Variants in CYTH1 observed in about 807,000 individuals in gnomAD.
CYTH1 encodes cytohesin 1, also known as cytohesin-1.
A neutral mutation model predicts 61.8 loss-of-function variants in CYTH1; 18 were observed. That is an observed-to-expected ratio of 0.29 (90% CI 0.20 to 0.43). The LOEUF is 0.43. Ranked by LOEUF, CYTH1 falls within the 20% of genes least tolerant of loss-of-function variation. The probability of loss-of-function intolerance (pLI) is 1.00; values close to 1 mark genes in which losing one functional copy is unlikely to be tolerated. For missense variants in CYTH1, 336 were observed against 510.5 expected (o/e 0.66, Z 3.29); for synonymous variants, 174 against 184.3 (o/e 0.94, Z 0.45).
At chr17:78,726,228 T>G (rs1275025235) in intron 1 of CYTH1, among the ~76,000 whole-genome samples, 2 of 152,002 alleles carry the variant, frequency 1.3e-5, no homozygotes, top group African/African-American at 4.8e-5. Flanking sequence ...GTATTTTTAG[T>G]AGAGACAGGT....
At chr17:78,720,612 C>G (rs2093219958) in intron 1 of CYTH1, among the ~76,000 whole-genome samples, 1 of 152,252 alleles carries the variant, frequency 6.6e-6, no homozygotes, top group South Asian at 2.1e-4. Flanking sequence ...AGCCATCGCA[C>G]CCAGCCATCC....
At chr17:78,702,352 A>G (rs2093019901) in intron 4 of CYTH1, 112 bp from the exon 5 acceptor site, 2 of 1,033,652 alleles carry the variant, frequency 1.9e-6, no homozygotes, top group Non-Finnish European at 2.9e-6. Context: ...TTTAATAAAT[A>G]CTTGCTAAGT....
chr17:78,776,658 C>CAAAA lies in CYTH1; in HGVS notation c.22+5540_22+5543dup, dbSNP rs1179473215. The stretch of plus-strand genomic sequence containing the variant: ...TGGACAACAGAGCGAGACTCTGTCT[C>CAAAA]AAAAAAAAAAAAAAAAAAAAGTACA... On this transcript the variant is annotated intron_variant, in intron 1 of 13. Transcript: ENST00000446868. Among the ~76,000 whole-genome samples, 510 of 88,308 alleles carry CAAAA rather than the reference C, an allele frequency of 5.8e-3. 22 individuals carry two copies. In the East Asian group the frequency reaches 0.11, roughly 19 times the overall value. The allele number at this position is 88,308 out of a possible 152,430, so 57.9% of individuals were successfully genotyped here.
intron 1 of CYTH1, among the ~76,000 whole-genome samples, chr17:78,733,641 G>A (rs1221533022): frequency 1.3e-5 from 2 of 152,240 alleles, no homozygotes; most frequent in Non-Finnish European, 2.9e-5. Flanking sequence ...CGGCCACAGC[G>A]GCCAAGTGCA....
At chr17:78,754,498 C>T (rs955216266) in intron 1 of CYTH1, among the ~76,000 whole-genome samples, 9 of 151,948 alleles carry the variant, frequency 5.9e-5, no homozygotes, top group Admixed American at 2.6e-4. Flanking sequence ...TGTGCACCAA[C>T]GTGCCAAACT....
intron 1 of CYTH1, among the ~76,000 whole-genome samples, chr17:78,770,408 TTTTTGTTTTG>T (rs542437342): frequency 3.2e-4 from 49 of 151,626 alleles, no homozygotes; most frequent in African/African-American, 1.1e-3. Flanking sequence ...AGGCGGGTTT[TTTTTGTTTTG>T]TTTTGTTTTG....
chr17:78,675,940 A>G lies in CYTH1; in HGVS notation c.*151T>C. The stretch of plus-strand genomic sequence containing the variant: ...ATAACTGCCCACCCTTCTCCCACTT[A>G]AAAAAAATAGCAAAAGCTGAAGCTA... On this transcript the variant is annotated 3_prime_UTR_variant, in exon 14 of 14. Coordinates refer to ENST00000446868, the MANE Select transcript of CYTH1 (RefSeq NM_004762.6). 6.7e-7 allele frequency: 1 copy of G among 1,490,966 alleles called. No individual in the cohort carries two copies. The allele number at this position is 1,490,966 out of a possible 1,614,324, so 92.4% of individuals were successfully genotyped here.
At chr17:78,760,051 A>G (rs1189697411) in intron 1 of CYTH1, among the ~76,000 whole-genome samples, 1 of 152,036 alleles carries the variant, frequency 6.6e-6, no homozygotes, top group African/African-American at 2.4e-5. Flanking sequence ...AAGGAACCAG[A>G]ATAAATGGCT....
At chr17:78,690,474 G>GT (rs1555603486) in intron 11 of CYTH1, among the ~76,000 whole-genome samples, 1 of 141,184 alleles carries the variant, frequency 7.1e-6, no homozygotes, top group Non-Finnish European at 1.5e-5. Context: ...GAGGTCAGGA[G>GT]TTCAAGACCA....
intron 1 of CYTH1, among the ~76,000 whole-genome samples, chr17:78,781,383 C>A (rs1343967668): frequency 1.3e-5 from 2 of 152,238 alleles, no homozygotes; most frequent in African/African-American, 4.8e-5. Context: ...CTTGCAATTT[C>A]AAACTCTTGG....
At chr17:78,766,511 C>A (rs1196293587) in intron 1 of CYTH1, among the ~76,000 whole-genome samples, 2 of 152,170 alleles carry the variant, frequency 1.3e-5, no homozygotes, top group Non-Finnish European at 2.9e-5. Flanking sequence ...AGCCCCTAAA[C>A]TAAATGCTAC....
rs373451474 is a variant in CYTH1, at chr17:78,696,022, G to A, written c.812-13C>T. The A allele has an allele frequency of 1.5e-5, 21 of 1,367,742 alleles. No homozygotes were observed. The highest frequency in any genetic ancestry group is 2.1e-5 in the Non-Finnish European group (21 of 1,021,996). The allele number at this position is 1,367,742 out of a possible 1,614,324, so 84.7% of individuals were successfully genotyped here. On this transcript the variant is annotated splice_polypyrimidine_tract_variant and intron_variant, in intron 9 of 13. Coordinates refer to ENST00000446868, the MANE Select transcript of CYTH1 (RefSeq NM_004762.6). ...GGTTACATACCTCCTGGAGTTTGGGGCAAGGAAAAGGAGAGCCAAAATCAT... is the reference window on the plus strand; with the variant it reads ...GGTTACATACCTCCTGGAGTTTGGGACAAGGAAAAGGAGAGCCAAAATCAT...
chr17:78,707,524 AAATCGTATC>A (rs2093080167), intron 3 of CYTH1, among the ~76,000 whole-genome samples: 1 of 152,180 alleles, frequency 6.6e-6, no homozygotes. Flanking sequence ...CAGCCCTTTG[AAATCGTATC>A]AGCAGCATTC....
chr17:78,768,538 C>G (rs1228279696), intron 1 of CYTH1, among the ~76,000 whole-genome samples: 1 of 152,178 alleles, frequency 6.6e-6, no homozygotes, highest in South Asian at 2.1e-4. Flanking sequence ...TGGTGCTCAC[C>G]TTCGTCACCC....
chr17:78,684,834 A>G (rs2092799849), intron 11 of CYTH1, among the ~76,000 whole-genome samples: 1 of 152,236 alleles, frequency 6.6e-6, no homozygotes. Flanking sequence ...TGAACTTCAA[A>G]GTAAATGTTT....
intron 1 of CYTH1, among the ~76,000 whole-genome samples, chr17:78,778,045 G>A (rs925331609): frequency 3.9e-5 from 6 of 152,108 alleles, no homozygotes; most frequent in African/African-American, 1.4e-4. Context: ...GCTCAGGCCT[G>A]TAATCCTAGC....
At chr17:78,697,445 C>T (rs561010678) in intron 9 of CYTH1, among the ~76,000 whole-genome samples, 1 of 151,926 alleles carries the variant, frequency 6.6e-6, no homozygotes, top group South Asian at 2.1e-4. Flanking sequence ...CTACTAAAGT[C>T]TTTCCTATTG....
At chr17:78,683,552 T>C (rs1364281229) in intron 11 of CYTH1, among the ~76,000 whole-genome samples, 4 of 152,240 alleles carry the variant, frequency 2.6e-5, no homozygotes, top group African/African-American at 9.6e-5. Context: ...CCTGTGGTTC[T>C]GAGAGCTGAG....
chr17:78,741,835 G>T (rs2093343158), intron 1 of CYTH1, among the ~76,000 whole-genome samples: 1 of 152,332 alleles, frequency 6.6e-6, no homozygotes, highest in South Asian at 2.1e-4. Context: ...CAGCAGGATG[G>T]AGCCGGACAG....
Sources: allele counts gnomAD v4.1 joint callset (sites outside exome capture counted in the v4.1 genomes callset), GRCh38; gene constraint gnomAD v4.1.1; transcripts MANE v1.5; gene names NCBI Gene and HGNC (gene_info 2026-07-23, HGNC 2026-07-21).